The following SPTAN1 variants were observed in gnomAD, a reference collection of about 807,000 sequenced individuals.
SPTAN1 encodes the protein spectrin alpha chain, non-erythrocytic 1.
SPTAN1 carries 61 observed loss-of-function variants against 331.3 expected under a neutral mutation model. The observed-to-expected ratio is 0.18, with a 90% CI of 0.15 to 0.23. The LOEUF (loss-of-function observed/expected upper bound fraction) is 0.23, where lower values mean the gene tolerates loss of function less well. Among genes scored for constraint, SPTAN1 ranks in the 10% least tolerant of loss-of-function variants. The probability of loss-of-function intolerance (pLI) is 1.00; values close to 1 mark genes in which losing one functional copy is unlikely to be tolerated. For missense variants in SPTAN1, 2,043 were observed against 3,147.9 expected, an observed-to-expected ratio of 0.65 and a Z score of 8.40; for synonymous variants, 1,153 against 1,173.9, an observed-to-expected ratio of 0.98 and a Z score of 0.36.
At position 128,556,286 on chromosome 9, in the gene SPTAN1, G is replaced by A. The variant is rs147696217; in HGVS notation, c.-4+3590G>A. On this transcript the variant is annotated intron_variant, in intron 1 of 56. Transcript: ENST00000372739. ...TTTGTGTACAGTCTTTGTTTTCTAA[G>A]TCGGACCTTTTTCACAAAAAAAAAA... 3.4e-3 allele frequency among the ~76,000 whole-genome samples: 508 copies of A among 151,394 alleles called. 7 individuals are homozygous for A. The highest frequency in any genetic ancestry group is 0.027 in the Middle Eastern group (8 of 294).
chr9:128,587,680 A>G lies in SPTAN1; in HGVS notation c.2853A>G (p.Glu951=), dbSNP rs1221429859. The change falls in exon 20 of 57, where the codon GAA becomes GAG. Residue 951 remains glutamate (E), a synonymous_variant. Coordinates refer to ENST00000372739, the MANE Select transcript of SPTAN1 (RefSeq NM_001130438.3). ...AYGSSIQALR[E]QAQSCRQQVA... is the part of the protein sequence containing the mutation. ...GCAGCAGCATCCAGGCTTTGCGAGA[A>G]CAAGCACAGTCCTGCCGGGTAAACT... 1.2e-6 allele frequency: 2 copies of G among 1,613,956 alleles called. No homozygotes were observed. Among genetic ancestry groups the G allele is most frequent in the Non-Finnish European group, 8.5e-7 (1 of 1,179,986 alleles).
chr9:128,620,445 G>A (rs1026942403), intron 44 of SPTAN1, among the ~76,000 whole-genome samples: 1 of 152,188 alleles, frequency 6.6e-6, no homozygotes, highest in Non-Finnish European at 1.5e-5. Flanking sequence ...GGCCAGGTGC[G>A]GTGGCTCACA....
intron 45 of SPTAN1, among the ~76,000 whole-genome samples, chr9:128,623,622 A>ATTTTTTTTTTTTTTTTTT (rs777632874): frequency 8.5e-6 from 1 of 117,120 alleles, no homozygotes; most frequent in African/African-American, 3.4e-5. Flanking sequence ...AACCTGGCTA[A>ATTTTTTTTTTTTTTTTTT]TTTTTTTTTT....
intron 14 of SPTAN1, 64 bp downstream of exon 14, chr9:128,582,913 T>G: frequency 1.2e-6 from 2 of 1,605,840 alleles, no homozygotes; most frequent in Non-Finnish European, 1.7e-6. Context: ...CTCTCACAAA[T>G]AAATTGTAGC....
At chr9:128,582,033 A>G in intron 12 of SPTAN1, 141 bp downstream of exon 12, 1 of 718,810 alleles carries the variant, frequency 1.4e-6, no homozygotes, top group Non-Finnish European at 2.5e-6. Context: ...CACAAGGATG[A>G]CATGCTATCT....
At chr9:128,609,608 C>G in intron 36 of SPTAN1, 43 bp from the exon 37 acceptor site, 1 of 1,491,580 alleles carries the variant, frequency 6.7e-7, no homozygotes. Context: ...TGTGTGTCCA[C>G]ATCAGTGTAC....
rs1288034830 is a variant in SPTAN1, at chr9:128,604,984, C to T, written c.3720-50C>T. On this transcript the variant is annotated intron_variant, in intron 29 of 56. Transcript: ENST00000372739. ...TAAATTTTTTTTAGTGTCCTGTAAT[C>T]AAGGCAGTTGTACTTGGCATTTCTT... is the stretch of plus-strand genomic sequence containing the variant. The T allele has an allele frequency of 2.5e-6, 4 of 1,608,154 alleles. No homozygotes were observed. In the African/African-American group the frequency reaches 4.0e-5, roughly 16 times the overall value.
In SPTAN1 at chr9:128,618,855, T is replaced by C. The variant is rs764158233; in HGVS notation, c.5601-16T>C. 6.2e-7 allele frequency: 1 copy of C among 1,614,202 alleles called. No homozygotes were observed. Among genetic ancestry groups the C allele is most frequent in the Non-Finnish European group, 8.5e-7 (1 of 1,180,018 alleles). Reference sequence around the variant, plus strand: ...AGGAGATTATGGCTGATTTTCTTCCTGTCTCCTGTAATTAGGGGTCAGCGG... The same window carrying C: ...AGGAGATTATGGCTGATTTTCTTCCCGTCTCCTGTAATTAGGGGTCAGCGG... On this transcript the variant is annotated splice_polypyrimidine_tract_variant and intron_variant, in intron 43 of 56. Coordinates refer to ENST00000372739, the MANE Select transcript of SPTAN1 (RefSeq NM_001130438.3).
intron 45 of SPTAN1, among the ~76,000 whole-genome samples, chr9:128,622,354 C>CAGGGGTGT (rs1857997408): frequency 7.5e-6 from 1 of 132,766 alleles, no homozygotes; most frequent in Non-Finnish European, 1.5e-5. Context: ...GGCTGGAGTG[C>CAGGGGTGT]AGGGGTGTGA....
At chr9:128,611,946 A>C (rs1856617585) in intron 38 of SPTAN1, 101 bp downstream of exon 38, 1 of 1,604,638 alleles carries the variant, frequency 6.2e-7, no homozygotes. Flanking sequence ...CACTAAATGG[A>C]TTATAGAAGA....
Position 128,577,086 on chromosome 9 carries a change from G to T in SPTAN1, c.786-43G>T. Reference sequence around the variant, plus strand: ...CCCATGGGGTGTTCCTAGTTCTAGGGAGTCATCATTGCTGTGGATTAACTG... The same window carrying T: ...CCCATGGGGTGTTCCTAGTTCTAGGTAGTCATCATTGCTGTGGATTAACTG... On this transcript the variant is annotated intron_variant, in intron 6 of 56. Transcript: ENST00000372739. This position sits in a 1 kb window ranked among gnomAD's most constrained non-coding sequence, Gnocchi z 4.2. 2 of 1,614,098 alleles carry T rather than the reference G, an allele frequency of 1.2e-6. No individual in the cohort carries two copies. The highest frequency in any genetic ancestry group is 1.7e-6 in the Non-Finnish European group (2 of 1,180,016).
intron 31 of SPTAN1, among the ~76,000 whole-genome samples, chr9:128,607,377 G>C (rs1424169333): frequency 6.6e-6 from 1 of 152,080 alleles, no homozygotes; most frequent in Non-Finnish European, 1.5e-5. Flanking sequence ...AGGGTGAAAA[G>C]ATCTTAATTA....
intron 44 of SPTAN1, among the ~76,000 whole-genome samples, chr9:128,619,458 C>A (rs111563269): frequency 0.021 from 3,181 of 152,296 alleles, 119 homozygotes; most frequent in African/African-American, 0.073. Context: ...AGGGGAGGAT[C>A]TTTCCTTGCC....
At chr9:128,605,817 T>C (rs1855763548) in intron 31 of SPTAN1, among the ~76,000 whole-genome samples, 1 of 151,190 alleles carries the variant, frequency 6.6e-6, no homozygotes, top group African/African-American at 2.4e-5. Flanking sequence ...CATGGCGAAA[T>C]GCCGTCTCTA....
In SPTAN1 at chr9:128,600,009, C is replaced by G. The variant is rs535774917; in HGVS notation, c.3544-71C>G. 3.3e-6 allele frequency: 5 copies of G among 1,517,434 alleles called. No individual in the cohort carries two copies. The African/African-American group carries it at 4.1e-5, about 13-fold the overall frequency. 94.0% of individuals were successfully genotyped at this position (1,517,434 alleles called of 1,614,324 possible). A position where few individuals can be genotyped will look rare whatever the true frequency, so the allele number is the denominator to read the frequency against. Reference sequence around the variant, plus strand: ...TCCCCTGGGGGAAACTAGAGTCATTCGCTGGAAAGGCCAGGTGCTTTGTTT... The same window carrying G: ...TCCCCTGGGGGAAACTAGAGTCATTGGCTGGAAAGGCCAGGTGCTTTGTTT... On this transcript the variant is annotated intron_variant, in intron 26 of 56. Coordinates refer to ENST00000372739, the MANE Select transcript of SPTAN1 (RefSeq NM_001130438.3).
At chr9:128,611,918 G>T in intron 38 of SPTAN1, 73 bp downstream of exon 38, 4 of 1,610,778 alleles carry the variant, frequency 2.5e-6, no homozygotes, top group South Asian at 2.2e-5. Context: ...ATAATAACTT[G>T]GACATACAGT....
intron 27 of SPTAN1, among the ~76,000 whole-genome samples, chr9:128,602,876 TC>T (rs1325170363): frequency 6.6e-6 from 1 of 151,962 alleles, no homozygotes; most frequent in African/African-American, 2.4e-5. Flanking sequence ...CCTCAGGTGA[TC>T]CACCCACTTT....
chr9:128,557,948 T>G (rs1334046867), intron 1 of SPTAN1, among the ~76,000 whole-genome samples: 1 of 151,840 alleles, frequency 6.6e-6, no homozygotes, highest in African/African-American at 2.4e-5. Flanking sequence ...GGACTACAGG[T>G]GCCCGCCACC....
rs1589402822 is a variant in SPTAN1, at chr9:128,629,277, C to T, written c.6708-1044C>T. The T allele has an allele frequency of 7.6e-6, 3 of 396,752 alleles. No individual in the cohort carries two copies. Among genetic ancestry groups the T allele is most frequent in the Non-Finnish European group, 1.3e-5 (3 of 225,186 alleles). 24.6% of individuals were successfully genotyped at this position (396,752 alleles called of 1,614,324 possible). ...GGCGGCTCCACCCTGACTAACCTGCCGCCCTCGGCTGCTTGGGAAGGAGGG... is the reference window on the plus strand; with the variant it reads ...GGCGGCTCCACCCTGACTAACCTGCTGCCCTCGGCTGCTTGGGAAGGAGGG... On this transcript the variant is annotated intron_variant, in intron 51 of 56. Coordinates refer to ENST00000372739, the MANE Select transcript of SPTAN1 (RefSeq NM_001130438.3). This position sits in a 1 kb window ranked among gnomAD's most constrained non-coding sequence, Gnocchi z 4.9.
Sources: allele counts gnomAD v4.1 joint callset (sites outside exome capture counted in the v4.1 genomes callset), GRCh38; gene constraint gnomAD v4.1.1; non-coding constraint Gnocchi (gnomAD v3.1); transcripts MANE v1.5; gene names NCBI Gene and HGNC (gene_info 2026-07-23, HGNC 2026-07-21).